Variants in CD99 observed in about 807,000 individuals in gnomAD.
The protein encoded by CD99 is CD99 antigen.
Under a neutral mutation model 28.4 loss-of-function variants are expected in CD99, and 19 were observed. That is an observed-to-expected ratio of 0.67 (90% CI 0.47 to 0.98). The LOEUF (loss-of-function observed/expected upper bound fraction) is 0.98, where lower values mean the gene tolerates loss of function less well. Ranked by LOEUF, CD99 falls within the 50% of genes least tolerant of loss-of-function variation. The probability of loss-of-function intolerance (pLI) is 0.00; values close to 1 mark genes in which losing one functional copy is unlikely to be tolerated. For synonymous variants in CD99, 103 were observed against 92.1 expected (o/e 1.12, Z -0.67); for missense variants, 283 against 248.8 (o/e 1.14, Z -0.92).
In CD99 at chrX:2,691,871, A is replaced by G. The variant is rs746002223; in HGVS notation, c.67+444A>G. Reference sequence around the variant, plus strand: ...CAGCCACGCCCTGCGTCCCGGGCCTAAATTTGGAATCGCTAGGAGCCTGAG... The same window carrying G: ...CAGCCACGCCCTGCGTCCCGGGCCTGAATTTGGAATCGCTAGGAGCCTGAG... On this transcript the variant is annotated intron_variant, in intron 1 of 9. Transcript: ENST00000381192. The G allele has an allele frequency of 5.1e-6, 4 of 779,018 alleles. No homozygotes were observed. The South Asian group carries it at 5.4e-5, about 10-fold the overall frequency. 48.3% of individuals were successfully genotyped at this position (779,018 alleles called of 1,614,324 possible).
intron 8 of CD99, among the ~76,000 whole-genome samples, chrX:2,730,655 C>T (rs1404288268): frequency 6.6e-6 from 1 of 151,952 alleles, no homozygotes; most frequent in East Asian, 1.9e-4. Context: ...TTCTAGTTAT[C>T]CTGGGATTGA....
At chrX:2,720,524 C>T (rs1337464678) in intron 5 of CD99, 100 bp downstream of exon 5, 9 of 1,075,128 alleles carry the variant, frequency 8.4e-6, no homozygotes, top group Admixed American at 1.7e-5. Flanking sequence ...TGTGTGCTTA[C>T]TGTTGACTGC....
intron 1 of CD99, chrX:2,692,123 C>T: frequency 1.7e-6 from 1 of 593,332 alleles, no homozygotes; most frequent in Non-Finnish European, 3.0e-6. Context: ...CACGGTCACC[C>T]TCCCACGCCC....
intron 5 of CD99, 143 bp downstream of exon 5, chrX:2,720,567 G>T: frequency 1.7e-6 from 1 of 581,398 alleles, no homozygotes. Context: ...TCATGTAATG[G>T]AAAATGTACA....
At chrX:2,710,867 C>CTTT (rs541519754) in intron 1 of CD99, among the ~76,000 whole-genome samples, 1,236 of 99,560 alleles carry the variant, frequency 0.012, 95 homozygotes, top group African/African-American at 0.043. Flanking sequence ...GTAGAGATGA[C>CTTT]TTTTTTTTTT....
intron 1 of CD99, among the ~76,000 whole-genome samples, chrX:2,694,536 T>G (rs1488285228): frequency 2.6e-5 from 4 of 152,058 alleles, no homozygotes; most frequent in Admixed American, 2.6e-4. Context: ...GTGGGTCACA[T>G]GAGGCCAAGA....
intron 2 of CD99, among the ~76,000 whole-genome samples, chrX:2,716,734 A>T (rs2048741464): frequency 6.6e-6 from 1 of 152,176 alleles, no homozygotes. Flanking sequence ...GATGGGGATC[A>T]TCTCTTTCCT....
At position 2,727,360 on chromosome X, in the gene CD99, AT is replaced by A. The variant is rs769421210; in HGVS notation, c.475+990del. 5.1e-6 allele frequency: 4 copies of A among 778,524 alleles called. No individual in the cohort carries two copies. The East Asian group carries it at 9.7e-5, about 19-fold the overall frequency. 48.2% of individuals were successfully genotyped at this position (778,524 alleles called of 1,614,324 possible). On this transcript the variant is annotated intron_variant, in intron 8 of 9. Transcript: ENST00000381192. ...GTGAAGCTGGGAAGTAAGCCCTGCT[AT>A]TTGGAACACAGCTAACGTGCATGCA... is the stretch of plus-strand genomic sequence containing the variant.
At chrX:2,728,052 A>T (rs952908717) in intron 8 of CD99, among the ~76,000 whole-genome samples, 9 of 152,090 alleles carry the variant, frequency 5.9e-5, no homozygotes, top group Non-Finnish European at 1.2e-4. Flanking sequence ...TGAAATGGAG[A>T]GTCCTAAACA....
rs774887031 is a variant in CD99, at chrX:2,711,508, C to T, written c.68-2914C>T. On this transcript the variant is annotated intron_variant, in intron 1 of 9. Transcript: ENST00000381192. ...GTATGTCAAAGAGACACTCCCCTCC[C>T]ATGTTTATTGCAGCACCATTCGGAG... Among the ~76,000 whole-genome samples, 47 of 151,774 alleles carry T rather than the reference C, an allele frequency of 3.1e-4. No individual in the cohort carries two copies. The South Asian group carries it at 9.3e-3, about 30-fold the overall frequency.
At chrX:2,701,723 C>T (rs1343838412) in intron 1 of CD99, among the ~76,000 whole-genome samples, 1 of 152,238 alleles carries the variant, frequency 6.6e-6, no homozygotes, top group African/African-American at 2.4e-5. Context: ...TTAAGCTCCC[C>T]TGAAGGGTTT....
At chrX:2,732,846 C>G (rs2049729015) in intron 8 of CD99, among the ~76,000 whole-genome samples, 1 of 135,050 alleles carries the variant, frequency 7.4e-6, no homozygotes, top group African/African-American at 3.6e-5. Context: ...TCATCCATCT[C>G]TCCTGTTCTT....
At chrX:2,707,615 G>A (rs182949365) in intron 1 of CD99, among the ~76,000 whole-genome samples, 12 of 152,308 alleles carry the variant, frequency 7.9e-5, no homozygotes, top group Admixed American at 6.5e-4. Flanking sequence ...GCCCTGATGA[G>A]CCATTACCCT....
At position 2,727,286 on chromosome X, in the gene CD99, C is replaced by G. The variant is rs750897232; in HGVS notation, c.475+913C>G. On this transcript the variant is annotated intron_variant, in intron 8 of 9. Transcript: ENST00000381192. ...GGAGGACGTACTCACCATTGCAATC[C>G]TCCTAGGTCAGCTGGCAGGCTCTTT... 7.7e-6 allele frequency: 6 copies of G among 778,842 alleles called. No individual in the cohort carries two copies. The East Asian group carries it at 1.5e-4, about 19-fold the overall frequency. The allele number at this position is 778,842 out of a possible 1,614,324, so 48.2% of individuals were successfully genotyped here. A position where few individuals can be genotyped will look rare whatever the true frequency, so the allele number is the denominator to read the frequency against.
At chrX:2,709,712 A>G (rs1228736044) in intron 1 of CD99, among the ~76,000 whole-genome samples, 1 of 152,344 alleles carries the variant, frequency 6.6e-6, no homozygotes, top group South Asian at 2.1e-4. Context: ...AGACACACAC[A>G]TGCATGTACA....
chrX:2,703,047 C>G (rs2047939158), intron 1 of CD99, among the ~76,000 whole-genome samples: 1 of 152,142 alleles, frequency 6.6e-6, no homozygotes, highest in African/African-American at 2.4e-5. Flanking sequence ...CCTGGGCTTC[C>G]CAAAATGCTG....
At chrX:2,728,392 C>T (rs5939115) in intron 8 of CD99, among the ~76,000 whole-genome samples, 23,268 of 151,520 alleles carry the variant, frequency 0.15, 1,825 homozygotes, top group Admixed American at 0.19. Flanking sequence ...GATGGAGTTT[C>T]GTCATGTTGG....
chrX:2,738,138 A>G, intron 8 of CD99, 62 bp from the exon 9 acceptor site: 1 of 1,464,604 alleles, frequency 6.8e-7, no homozygotes, highest in East Asian at 2.3e-5. Context: ...TTTTGTGTGT[A>G]TTTTGAGGAG....
At chrX:2,714,529 C>T (rs749179598) in intron 2 of CD99, 75 bp downstream of exon 2, 2 of 1,278,330 alleles carry the variant, frequency 1.6e-6, no homozygotes, top group East Asian at 2.3e-5. Context: ...ATATCCCAGC[C>T]ATTTCCAGCT....
Sources: allele counts gnomAD v4.1 joint callset (sites outside exome capture counted in the v4.1 genomes callset), GRCh38; gene constraint gnomAD v4.1.1; transcripts MANE v1.5; gene names NCBI Gene and HGNC (gene_info 2026-07-23, HGNC 2026-07-21).